FRMPD4: variants seen among roughly 807,000 people sequenced by gnomAD.
FRMPD4 encodes the protein FERM and PDZ domain containing 4.
A neutral mutation model predicts 94.1 loss-of-function variants in FRMPD4; 22 were observed. The ratio of observed to expected loss-of-function variants is 0.23; its 90% CI spans 0.17 to 0.33. The LOEUF (loss-of-function observed/expected upper bound fraction) is 0.33. Among genes scored for constraint, FRMPD4 ranks in the 10% least tolerant of loss-of-function variants. FRMPD4 has a pLI of 1.00. For synonymous variants in FRMPD4, 631 were observed against 548.6 expected, an observed-to-expected ratio of 1.15 and a Z score of -2.10; for missense variants, 1,111 against 1,339.9, an observed-to-expected ratio of 0.83 and a Z score of 2.67.
At chrX:11,827,995 A>G (rs762687589) in intron 1 of FRMPD4, among the ~76,000 whole-genome samples, 4 of 111,733 alleles carry the variant, frequency 3.6e-5, no homozygotes, top group Non-Finnish European at 5.6e-5. Context: ...CCTGTTCTCA[A>G]TATGGCTGTC....
chrX:12,217,752 A>G (rs764904340), intron 1 of FRMPD4, among the ~76,000 whole-genome samples: 26 of 112,218 alleles, frequency 2.3e-4, no homozygotes, highest in Admixed American at 6.6e-4. Flanking sequence ...ATTCATTTAC[A>G]TGTTGTGCAT....
chrX:12,602,585 T>C (rs2059094734), intron 2 of FRMPD4, among the ~76,000 whole-genome samples: 1 of 112,188 alleles, frequency 8.9e-6, no homozygotes, highest in Non-Finnish European at 1.9e-5. Flanking sequence ...AATACTATTT[T>C]AAGCACTATT....
At chrX:11,961,282 G>T (rs962997951) in intron 3 of FRMPD4, among the ~76,000 whole-genome samples, 6 of 112,011 alleles carry the variant, frequency 5.4e-5, no homozygotes, top group Non-Finnish European at 7.5e-5. Flanking sequence ...GCTAACCGTG[G>T]TTTCTGATTC....
chrX:11,987,203 A>G (rs911112201), intron 3 of FRMPD4, among the ~76,000 whole-genome samples: 3 of 109,692 alleles, frequency 2.7e-5, no homozygotes, highest in Non-Finnish European at 5.7e-5. Context: ...CAAATTCAAC[A>G]ATACATTAAA....
chrX:11,932,835 A>T (rs1191039981), intron 3 of FRMPD4, among the ~76,000 whole-genome samples: 1 of 111,504 alleles, frequency 9.0e-6, no homozygotes, highest in Non-Finnish European at 1.9e-5. Context: ...CGCCTGCTCA[A>T]ATTCCACCCC....
intron 1 of FRMPD4, among the ~76,000 whole-genome samples, chrX:12,330,537 C>CATCAA (rs1455154339): frequency 9.0e-6 from 1 of 111,423 alleles, no homozygotes; most frequent in Admixed American, 9.6e-5. Flanking sequence ...AAAGTCTGGG[C>CATCAA]ATCAGAGAAT....
chrX:12,330,103 C>G (rs2055349411), intron 1 of FRMPD4, among the ~76,000 whole-genome samples: 1 of 111,022 alleles, frequency 9.0e-6, no homozygotes, highest in Non-Finnish European at 1.9e-5. Flanking sequence ...ACACAAGTAC[C>G]TGGAACTTAG....
chrX:12,472,773 A>C (rs1322921817), intron 1 of FRMPD4, among the ~76,000 whole-genome samples: 9 of 111,835 alleles, frequency 8.0e-5, no homozygotes, highest in African/African-American at 2.9e-4. Flanking sequence ...AAAAAGAATA[A>C]AAAGAAATGA....
intron 4 of FRMPD4, among the ~76,000 whole-genome samples, chrX:12,647,022 C>A (rs1284502399): frequency 8.9e-6 from 1 of 111,741 alleles, no homozygotes; most frequent in African/African-American, 3.3e-5. Flanking sequence ...CATAGGCTCC[C>A]CTTAGTTAAT....
chrX:12,338,124 A>G (rs145208981), intron 1 of FRMPD4, among the ~76,000 whole-genome samples: 90 of 111,923 alleles, frequency 8.0e-4, no homozygotes, highest in Non-Finnish European at 1.3e-3. Context: ...TGCTAATCCC[A>G]TTTATGAGGG....
chrX:12,084,353 A>AG (rs2055089720), intron 3 of FRMPD4, among the ~76,000 whole-genome samples: 1 of 111,293 alleles, frequency 9.0e-6, no homozygotes, highest in South Asian at 3.9e-4. Flanking sequence ...CATGATTCTG[A>AG]GGCCTCCCCA....
At chrX:12,052,557 G>A (rs1276775173) in intron 3 of FRMPD4, among the ~76,000 whole-genome samples, 4 of 112,221 alleles carry the variant, frequency 3.6e-5, no homozygotes, top group Non-Finnish European at 5.6e-5. Context: ...CATAAACTCT[G>A]TCATGTTGTT....
At chrX:12,373,909 T>G (rs915390092) in intron 1 of FRMPD4, among the ~76,000 whole-genome samples, 1 of 112,113 alleles carries the variant, frequency 8.9e-6, no homozygotes, top group Non-Finnish European at 1.9e-5. Flanking sequence ...ATTGCAAATG[T>G]CAGCTGGCAG....
At chrX:12,506,023 C>T (rs1359780542) in intron 2 of FRMPD4, among the ~76,000 whole-genome samples, 2 of 111,762 alleles carry the variant, frequency 1.8e-5, no homozygotes, top group African/African-American at 3.3e-5. Context: ...GGAGCATGCC[C>T]TCCGGCTGCT....
intron 1 of FRMPD4, among the ~76,000 whole-genome samples, chrX:12,475,667 T>A (rs2057587325): frequency 9.0e-6 from 1 of 111,543 alleles, no homozygotes; most frequent in Admixed American, 9.5e-5. Context: ...TATACACCAA[T>A]AACAGACAAA....
intron 3 of FRMPD4, among the ~76,000 whole-genome samples, chrX:11,958,335 T>A (rs2054267328): frequency 8.9e-6 from 1 of 112,153 alleles, no homozygotes; most frequent in Non-Finnish European, 1.9e-5. Context: ...ACAACAAATT[T>A]AGTTTAAAGA....
At chrX:11,952,369 C>T (rs1037403211) in intron 3 of FRMPD4, among the ~76,000 whole-genome samples, 2 of 112,078 alleles carry the variant, frequency 1.8e-5, no homozygotes, top group Non-Finnish European at 3.8e-5. Flanking sequence ...AGAGTAGGAG[C>T]GTTAGATCAC....
chrX:12,652,894 A>G (rs2059610379), intron 4 of FRMPD4, among the ~76,000 whole-genome samples: 1 of 112,063 alleles, frequency 8.9e-6, no homozygotes, highest in African/African-American at 3.2e-5. Context: ...CCATTGGCCA[A>G]AGCAAGTCAT....
rs777749028 is a variant in FRMPD4 at position 12,706,228 on chromosome X, T to C, written c.1198-598T>C. 3.6e-5 allele frequency among the ~76,000 whole-genome samples: 4 copies of C among 112,272 alleles called. No individual in the cohort carries two copies. The South Asian group carries it at 1.5e-3, about 41-fold the overall frequency. Reference sequence around the variant, plus strand: ...CAACAGATTTTCCAAGTTGAATTAATAAAACAGAGCCTTATTTAGCAAGTT... The same window carrying C: ...CAACAGATTTTCCAAGTTGAATTAACAAAACAGAGCCTTATTTAGCAAGTT... On this transcript the variant is annotated intron_variant, in intron 11 of 16. Transcript: ENST00000675598.
Sources: allele counts gnomAD v4.1 joint callset (sites outside exome capture counted in the v4.1 genomes callset), GRCh38; gene constraint gnomAD v4.1.1; transcripts MANE v1.5; gene names NCBI Gene and HGNC (gene_info 2026-07-23, HGNC 2026-07-21).